Variants in NDST3 observed in about 807,000 individuals in gnomAD.
NDST3 encodes the protein bifunctional heparan sulfate N-deacetylase/N-sulfotransferase 3.
In NDST3, 58 loss-of-function variants were observed where a neutral mutation model predicts 96.1. The observed-to-expected ratio is 0.60, with a 90% CI of 0.49 to 0.75. The LOEUF is 0.75. NDST3 is among the 30% of genes least tolerant of loss of function. NDST3 has a pLI of 0.00. For synonymous variants in NDST3, 333 were observed against 359.7 expected, an observed-to-expected ratio of 0.93 and a Z score of 0.84; for missense variants, 788 against 1,034.2, an observed-to-expected ratio of 0.76 and a Z score of 3.27.
intron 2 of NDST3, among the ~76,000 whole-genome samples, chr4:118,096,443 C>T (rs577019398): frequency 4.6e-5 from 7 of 151,466 alleles, no homozygotes; most frequent in Non-Finnish European, 1.0e-4. Context: ...GTTGGTTCTC[C>T]CAAACCAGCT....
chr4:118,129,609 T>C (rs1054943234), intron 4 of NDST3, among the ~76,000 whole-genome samples: 9 of 152,118 alleles, frequency 5.9e-5, no homozygotes, highest in Admixed American at 3.3e-4. Flanking sequence ...ACCTAACATA[T>C]GGTCTATCCT....
At chr4:118,186,971 G>A (rs1737002420) in intron 6 of NDST3, among the ~76,000 whole-genome samples, 1 of 152,176 alleles carries the variant, frequency 6.6e-6, no homozygotes, top group Non-Finnish European at 1.5e-5. Flanking sequence ...AACAGCACAT[G>A]AGGGAGACTA....
intron 6 of NDST3, among the ~76,000 whole-genome samples, chr4:118,196,839 T>G (rs911236732): frequency 4.6e-5 from 7 of 152,030 alleles, no homozygotes; most frequent in Non-Finnish European, 8.8e-5. Context: ...ATTTGATTTA[T>G]TTCTGCTCTG....
At chr4:118,146,936 C>T (rs1229805625) in intron 6 of NDST3, among the ~76,000 whole-genome samples, 3 of 152,114 alleles carry the variant, frequency 2.0e-5, no homozygotes, top group East Asian at 1.9e-4. Flanking sequence ...TACTTTCCCA[C>T]GTAGATCCTA....
chr4:118,124,938 G>A (rs1159168865), intron 4 of NDST3, among the ~76,000 whole-genome samples: 2 of 151,866 alleles, frequency 1.3e-5, no homozygotes, highest in African/African-American at 4.8e-5. Flanking sequence ...CAGGTTTCTG[G>A]ATCCATAGGA....
chr4:118,198,711 C>A (rs1440021040), intron 6 of NDST3, among the ~76,000 whole-genome samples: 2 of 128,688 alleles, frequency 1.6e-5, no homozygotes, highest in Non-Finnish European at 1.6e-5. Flanking sequence ...TAAAGTACTC[C>A]CTTTAGCATT....
chr4:118,102,673 T>C (rs17593863), intron 2 of NDST3, among the ~76,000 whole-genome samples: 8,188 of 152,188 alleles, frequency 0.054, 348 homozygotes, highest in Non-Finnish European at 0.085. Context: ...TTAAGCTTTT[T>C]ACAAGGGTTA....
At chr4:118,079,698 G>A (rs1476835766) in intron 2 of NDST3, among the ~76,000 whole-genome samples, 1 of 152,164 alleles carries the variant, frequency 6.6e-6, no homozygotes, top group Non-Finnish European at 1.5e-5. Context: ...AATAAGGTCT[G>A]ATTTAGGTTT....
chr4:118,257,594 T>A lies in NDST3; in HGVS notation c.*1882T>A, dbSNP rs1400715199. On this transcript the variant is annotated 3_prime_UTR_variant, in exon 14 of 14. Coordinates refer to ENST00000296499, the MANE Select transcript of NDST3 (RefSeq NM_004784.3). ...AAAAATATTTTCATTGTCATTTTAA[T>A]GGGTAAAACTATCAATTACTAATTA... is the stretch of plus-strand genomic sequence containing the variant. 6.6e-6 allele frequency: 1 copy of A among 152,230 alleles called. No homozygotes were observed. The highest frequency in any genetic ancestry group is 1.5e-5 in the Non-Finnish European group (1 of 68,028). 9.4% of individuals were successfully genotyped at this position (152,230 alleles called of 1,614,324 possible). A position where few individuals can be genotyped will look rare whatever the true frequency, so the allele number is the denominator to read the frequency against.
intron 6 of NDST3, among the ~76,000 whole-genome samples, chr4:118,158,990 CA>C (rs1214178840): frequency 2.0e-5 from 3 of 152,136 alleles, no homozygotes; most frequent in African/African-American, 7.2e-5. Context: ...AAAAAATTCA[CA>C]ACACTCACTT....
intron 4 of NDST3, among the ~76,000 whole-genome samples, chr4:118,132,167 GC>G (rs1295695783): frequency 6.6e-6 from 1 of 152,160 alleles, no homozygotes; most frequent in East Asian, 1.9e-4. Context: ...GTTCCTCCAG[GC>G]CCCAGGCAGG....
chr4:118,125,504 T>C (rs888325474), intron 4 of NDST3, among the ~76,000 whole-genome samples: 3 of 152,072 alleles, frequency 2.0e-5, no homozygotes, highest in Non-Finnish European at 4.4e-5. Flanking sequence ...TAACCAAATT[T>C]ATGTAACTGT....
chr4:118,148,623 A>G (rs1734135543), intron 6 of NDST3, among the ~76,000 whole-genome samples: 1 of 152,198 alleles, frequency 6.6e-6, no homozygotes, highest in African/African-American at 2.4e-5. Context: ...TACAACTAAA[A>G]TAAATAAAAC....
chr4:118,162,904 G>GA (rs1735271538), intron 6 of NDST3, among the ~76,000 whole-genome samples: 1 of 146,794 alleles, frequency 6.8e-6, no homozygotes, highest in Non-Finnish European at 1.5e-5. Context: ...AAATTTACAA[G>GA]AAAAAAACAA....
intron 8 of NDST3, 66 bp from the exon 9 acceptor site, chr4:118,232,946 A>G: frequency 6.9e-7 from 1 of 1,445,190 alleles, no homozygotes; most frequent in Non-Finnish European, 9.6e-7. Flanking sequence ...TCATGACTTT[A>G]AAGTGTTGAT....
intron 3 of NDST3, among the ~76,000 whole-genome samples, chr4:118,110,804 T>C (rs1437581767): frequency 2.0e-5 from 3 of 152,174 alleles, no homozygotes; most frequent in African/African-American, 7.2e-5. Flanking sequence ...AATGCCATTA[T>C]TGGATATTAT....
intron 4 of NDST3, among the ~76,000 whole-genome samples, chr4:118,127,143 T>C (rs1479653729): frequency 6.6e-6 from 1 of 151,912 alleles, no homozygotes; most frequent in Non-Finnish European, 1.5e-5. Context: ...ATTCTGTGGG[T>C]TGTCTCTTCA....
intron 6 of NDST3, among the ~76,000 whole-genome samples, chr4:118,153,477 GTAATAAAATACGCTATA>G (rs1470183245): frequency 6.6e-6 from 1 of 152,178 alleles, no homozygotes; most frequent in Non-Finnish European, 1.5e-5. Context: ...AATACATTAT[GTAATAAAATACGCTATA>G]TAATAAGGTA....
rs373078787 is a variant in NDST3 at position 118,080,873 on chromosome 4, G to A, written c.982-24145G>A. ...GATAAACTGAACTCATTTTATTAGG[G>A]AGAAAATGTGAACCCTGTGGAAAAC... On this transcript the variant is annotated intron_variant, in intron 2 of 13. Coordinates refer to ENST00000296499, the MANE Select transcript of NDST3 (RefSeq NM_004784.3). Among the ~76,000 whole-genome samples, 66 of 152,236 alleles carry A rather than the reference G, an allele frequency of 4.3e-4. No individual in the cohort carries two copies. The East Asian group carries it at 4.5e-3, about 10-fold the overall frequency.
Sources: allele counts gnomAD v4.1 joint callset (sites outside exome capture counted in the v4.1 genomes callset), GRCh38; gene constraint gnomAD v4.1.1; transcripts MANE v1.5; gene names NCBI Gene and HGNC (gene_info 2026-07-23, HGNC 2026-07-21).